The following CSMD3 variants were observed in gnomAD, a reference collection of about 807,000 sequenced individuals.
CSMD3 encodes the protein CUB and Sushi multiple domains 3.
Under a neutral mutation model 435.2 loss-of-function variants are expected in CSMD3, and 177 were observed. The observed-to-expected ratio is 0.41, with a 90% confidence interval of 0.36 to 0.46. CSMD3 has a LOEUF of 0.46. CSMD3 is among the 20% of genes least tolerant of loss of function. The pLI, the probability that CSMD3 is intolerant of heterozygous loss-of-function variation, is 0.34. For synonymous variants in CSMD3, 1,656 were observed against 1,520.5 expected, an observed-to-expected ratio of 1.09 and a Z score of -2.07; for missense variants, 4,265 against 4,504.6, an observed-to-expected ratio of 0.95 and a Z score of 1.52.
chr8:113,004,747 G>A (rs1456290358), intron 6 of CSMD3, among the ~76,000 whole-genome samples: 4 of 151,848 alleles, frequency 2.6e-5, no homozygotes, highest in Non-Finnish European at 4.4e-5. Context: ...ATGGAAAGTA[G>A]ATAAATGAAT....
chr8:112,399,434 T>C (rs1831131253), intron 35 of CSMD3, among the ~76,000 whole-genome samples: 1 of 152,086 alleles, frequency 6.6e-6, no homozygotes. Context: ...TTAATTTTTG[T>C]ATTTTTAGTA....
chr8:113,166,165 T>C lies in CSMD3; in HGVS notation c.709+7557A>G, dbSNP rs573697437. 3.3e-5 allele frequency among the ~76,000 whole-genome samples: 5 copies of C among 152,286 alleles called. No homozygotes were observed. In the South Asian group the frequency reaches 1.0e-3, roughly 32 times the overall value. The stretch of plus-strand genomic sequence containing the variant: ...ATGAGGCCTGTAGCTGTTTCATTAA[T>C]CATTATACTTAGAAATGTGACTTGT... On this transcript the variant is annotated intron_variant, in intron 4 of 70. Transcript: ENST00000297405.
At chr8:112,228,095 T>C (rs918354164) in intron 70 of CSMD3, among the ~76,000 whole-genome samples, 12 of 152,138 alleles carry the variant, frequency 7.9e-5, no homozygotes, top group African/African-American at 2.9e-4. Flanking sequence ...GTTATAGTCA[T>C]TTAATTATCT....
At chr8:112,445,506 G>A (rs1387702548) in intron 32 of CSMD3, among the ~76,000 whole-genome samples, 2 of 152,020 alleles carry the variant, frequency 1.3e-5, no homozygotes, top group African/African-American at 4.8e-5. Flanking sequence ...GAGCTTGGTG[G>A]GGGAAGGTGC....
chr8:112,931,265 C>A (rs765397394), intron 9 of CSMD3, among the ~76,000 whole-genome samples: 11 of 151,898 alleles, frequency 7.2e-5, no homozygotes, highest in Non-Finnish European at 7.4e-5. Flanking sequence ...CTATAAAGCA[C>A]TTCCTCTAAT....
At chr8:113,011,469 C>T (rs943773382) in intron 6 of CSMD3, among the ~76,000 whole-genome samples, 1 of 151,686 alleles carries the variant, frequency 6.6e-6, no homozygotes, top group African/African-American at 2.4e-5. Flanking sequence ...AGCCACTTTT[C>T]TATCAAATAC....
At chr8:113,368,290 G>A (rs2094325848) in intron 1 of CSMD3, among the ~76,000 whole-genome samples, 1 of 152,204 alleles carries the variant, frequency 6.6e-6, no homozygotes, top group Middle Eastern at 3.4e-3. Flanking sequence ...CAGGAGCGAT[G>A]TCTCAAGTTC....
chr8:112,318,101 A>G (rs1245814769), intron 47 of CSMD3, among the ~76,000 whole-genome samples: 3 of 151,966 alleles, frequency 2.0e-5, no homozygotes, highest in Non-Finnish European at 4.4e-5. Flanking sequence ...CGAATCCTTG[A>G]AGTCCATGCC....
At chr8:112,638,583 T>C in intron 21 of CSMD3, 113 bp downstream of exon 21, 1 of 711,910 alleles carries the variant, frequency 1.4e-6, no homozygotes, top group East Asian at 2.7e-5. Flanking sequence ...CTTTTTAAAA[T>C]TTTTCTTCTC....
chr8:113,399,431 C>G (rs747267254), intron 1 of CSMD3, among the ~76,000 whole-genome samples: 4 of 151,670 alleles, frequency 2.6e-5, no homozygotes, highest in Non-Finnish European at 5.9e-5. Flanking sequence ...TGTTCATTAA[C>G]TGACAAATGT....
chr8:112,504,654 A>G (rs1162426744), intron 29 of CSMD3, among the ~76,000 whole-genome samples: 1 of 152,162 alleles, frequency 6.6e-6, no homozygotes, highest in African/African-American at 2.4e-5. Flanking sequence ...GTGAAAAAGG[A>G]TATTTTAGCA....
intron 1 of CSMD3, among the ~76,000 whole-genome samples, chr8:113,342,731 A>C (rs931624487): frequency 6.6e-6 from 1 of 152,130 alleles, no homozygotes; most frequent in African/African-American, 2.4e-5. Context: ...CTTTCCATAG[A>C]TCTCACTCAC....
chr8:113,148,531 C>A (rs758630508), intron 4 of CSMD3, among the ~76,000 whole-genome samples: 3 of 151,732 alleles, frequency 2.0e-5, no homozygotes, highest in Non-Finnish European at 4.4e-5. Context: ...ACAGAATATT[C>A]CTGTTGTGTT....
chr8:112,291,659 G>T lies in CSMD3; in HGVS notation c.8825C>A (p.Ser2942Tyr). Reference sequence around the variant, plus strand: ...ATGTTCTATTTTACTTTCTCTTTTAGAATTGGCTGGAATTCCAGGATCAGA... The same window carrying T: ...ATGTTCTATTTTACTTTCTCTTTTATAATTGGCTGGAATTCCAGGATCAGA... ...NCSDPGIPAN[S>Y]KRESKIEHGN... is the part of the protein sequence containing the mutation. The change falls in exon 56 of 71, where the codon TCT (serine) becomes TAT (tyrosine). Residue 2942 changes from serine to tyrosine, a missense_variant. Physicochemically the swap from Ser to Tyr is moderately radical, Grantham distance 144. Transcript: ENST00000297405. 6.2e-7 allele frequency: 1 copy of T among 1,612,386 alleles called. No individual in the cohort carries two copies. Among genetic ancestry groups the T allele is most frequent in the Non-Finnish European group, 8.5e-7 (1 of 1,178,850 alleles).
intron 12 of CSMD3, among the ~76,000 whole-genome samples, chr8:112,829,139 T>C (rs948052911): frequency 2.0e-5 from 3 of 152,184 alleles, no homozygotes; most frequent in Non-Finnish European, 4.4e-5. Context: ...CTGATACTAA[T>C]TTTTTTAACA....
chr8:112,974,778 A>G (rs1341547232), intron 7 of CSMD3, among the ~76,000 whole-genome samples: 4 of 151,806 alleles, frequency 2.6e-5, no homozygotes, highest in African/African-American at 9.7e-5. Flanking sequence ...ATTATTTTTA[A>G]TTAATGTATG....
intron 5 of CSMD3, among the ~76,000 whole-genome samples, chr8:113,034,276 A>C (rs2087246039): frequency 6.6e-6 from 1 of 151,134 alleles, no homozygotes; most frequent in African/African-American, 2.4e-5. Flanking sequence ...TACTCTTACT[A>C]ACCCAAAACT....
intron 2 of CSMD3, among the ~76,000 whole-genome samples, chr8:113,281,094 T>C (rs532212762): frequency 6.6e-6 from 1 of 152,010 alleles, no homozygotes; most frequent in East Asian, 1.9e-4. Flanking sequence ...TATCTACTGG[T>C]CTATCTTGTA....
intron 17 of CSMD3, among the ~76,000 whole-genome samples, chr8:112,660,406 T>C (rs2075352622): frequency 6.6e-6 from 1 of 152,190 alleles, no homozygotes. Flanking sequence ...ATCCCTTTGC[T>C]ACTGAGTTAC....
Sources: gnomAD v4.1 joint callset for allele counts (sites outside exome capture counted in the v4.1 genomes callset) on GRCh38, gnomAD v4.1.1 for gene constraint, MANE v1.5 for transcripts, NCBI Gene and HGNC (gene_info 2026-07-23, HGNC 2026-07-21) for gene names.